ISL1: variants seen among roughly 807,000 people sequenced by gnomAD.
ISL1 encodes the protein ISL LIM homeobox 1.
ISL1 carries 4 observed loss-of-function variants against 35.3 expected under a neutral mutation model. The observed-to-expected ratio is 0.11, with a 90% confidence interval of 0.06 to 0.26. ISL1 has a LOEUF of 0.26. Among genes scored for constraint, ISL1 ranks in the 10% least tolerant of loss-of-function variants. The pLI, the probability that ISL1 is intolerant of heterozygous loss-of-function variation, is 1.00. For synonymous variants in ISL1, 186 were observed against 172.3 expected (o/e 1.08, Z -0.62); for missense variants, 340 against 472.8 (o/e 0.72, Z 2.60).
chr5:51,387,597 C>G lies in ISL1; in HGVS notation c.326C>G (p.Ala109Gly). 1 of 1,614,230 alleles carries G rather than the reference C, an allele frequency of 6.2e-7. No individual in the cohort carries two copies. The highest frequency in any genetic ancestry group is 8.5e-7 in the Non-Finnish European group (1 of 1,180,046). ...CACATCGAGTGTTTCCGCTGTGTGG[C>G]CTGCAGCCGCCAGCTCATCCCTGGG... ...VYHIECFRCV[A>G]CSRQLIPGDE... The change falls in exon 3 of 6, where the codon GCC becomes GGC. Residue 109 changes from alanine (A) to glycine (G), a missense_variant. Ala to Gly is a moderately conservative substitution (Grantham distance 60, BLOSUM62 0). Around this residue, in one of 7 missense-constraint regions of ISL1, gnomAD observed 70 missense variants for 130.3 expected, o/e 0.54. Transcript: ENST00000230658. This position sits in a 1 kb window ranked among gnomAD's most constrained non-coding sequence, Gnocchi z 4.3.
Position 51,387,213 on chromosome 5 carries a change from A to T in ISL1, c.219-277A>T, listed in dbSNP as rs1747365514. Among the ~76,000 whole-genome samples the T allele has an allele frequency of 6.6e-6, 1 of 152,122 alleles. No homozygotes were observed. The highest frequency in any genetic ancestry group is 1.9e-4 in the East Asian group (1 of 5,174). ...TAGGTGTTTTGAGCTAAGAGTTACC[A>T]ACTAAGACAGAGGTTCATCGGAAAG... On this transcript the variant is annotated intron_variant, in intron 2 of 5. Coordinates refer to ENST00000230658, the MANE Select transcript of ISL1 (RefSeq NM_002202.3). The surrounding 1 kb of genome is among the most constrained non-coding windows in gnomAD (Gnocchi z 4.3).
At chr5:51,392,246 G>T (rs1469826124) in intron 5 of ISL1, among the ~76,000 whole-genome samples, 1 of 152,132 alleles carries the variant, frequency 6.6e-6, no homozygotes, top group Non-Finnish European at 1.5e-5. Context: ...GGCTTAAGGG[G>T]TCAAGATAAA....
chr5:51,387,371 T>G lies in ISL1; in HGVS notation c.219-119T>G. On this transcript the variant is annotated intron_variant, in intron 2 of 5. Transcript: ENST00000230658. This position sits in a 1 kb window ranked among gnomAD's most constrained non-coding sequence, Gnocchi z 4.3. ...TCCAACTTCTGTTTGGAAATGCTGTTTACTTGGGGCGTCTTGCCCGGGATC... is the reference window on the plus strand; with the variant it reads ...TCCAACTTCTGTTTGGAAATGCTGTGTACTTGGGGCGTCTTGCCCGGGATC... 6.6e-6 allele frequency: 7 copies of G among 1,065,468 alleles called. No individual in the cohort carries two copies. The highest frequency in any genetic ancestry group is 9.9e-6 in the Non-Finnish European group (7 of 708,498). 66.0% of individuals were successfully genotyped at this position (1,065,468 alleles called of 1,614,324 possible).
At chr5:51,388,900 C>T (rs544840371) in intron 3 of ISL1, among the ~76,000 whole-genome samples, 2 of 152,238 alleles carry the variant, frequency 1.3e-5, no homozygotes, top group South Asian at 4.1e-4. Context: ...TATCTAGAGC[C>T]TAGGCAGCTC....
chr5:51,387,692 C>G lies in ISL1; in HGVS notation c.421C>G (p.Leu141Val), dbSNP rs779195709. ...CCACGATGTGGTGGAGAGGGCCAGT[C>G]TAGGCGCTGGCGACCCGCTCAGTCC... is the stretch of plus-strand genomic sequence containing the variant. ...ADHDVVERAS[L>V]GAGDPLSPLH... The change falls in exon 3 of 6, where the codon CTA (leucine) becomes GTA (valine). Residue 141 changes from leucine (L) to valine (V), a missense_variant. Transcript: ENST00000230658. This position sits in a 1 kb window ranked among gnomAD's most constrained non-coding sequence, Gnocchi z 4.3. 35 of 1,614,230 alleles carry G rather than the reference C, an allele frequency of 2.2e-5. No individual in the cohort carries two copies. The East Asian group carries it at 7.6e-4, about 35-fold the overall frequency.
At position 51,383,815 on chromosome 5, in the gene ISL1, A is replaced by G. The variant is rs1417154815; in HGVS notation, c.28+116A>G. ...GGAGTTGGAGTCATTGCCTGGAGAA[A>G]GAGAAAAGGTGGCTTTTTCTTGTTG... On this transcript the variant is annotated intron_variant, in intron 1 of 5. Coordinates refer to ENST00000230658, the MANE Select transcript of ISL1 (RefSeq NM_002202.3). 1.1e-5 allele frequency: 10 copies of G among 924,890 alleles called. No individual in the cohort carries two copies. In the East Asian group the frequency reaches 1.4e-4, roughly 13 times the overall value. The allele number at this position is 924,890 out of a possible 1,614,324, so 57.3% of individuals were successfully genotyped here. A position where few individuals can be genotyped will look rare whatever the true frequency, so the allele number is the denominator to read the frequency against.
Position 51,387,718 on chromosome 5 carries a change from C to A in ISL1, c.447C>A (p.Pro149=). ...ASLGAGDPLS[P]LHPARPLQMA... is the part of the protein sequence containing the mutation. ...TAGGCGCTGGCGACCCGCTCAGTCC[C>A]CTGCATCCAGCGCGGCCACTGCAAA... The change falls in exon 3 of 6, where the codon CCC becomes CCA. Residue 149 remains proline (P), a synonymous_variant. Transcript: ENST00000230658. The surrounding 1 kb of genome is among the most constrained non-coding windows in gnomAD (Gnocchi z 4.3). The A allele has an allele frequency of 5.6e-6, 9 of 1,614,194 alleles. No individual in the cohort carries two copies. Among genetic ancestry groups the A allele is most frequent in the Non-Finnish European group, 7.6e-6 (9 of 1,180,044 alleles).
intron 1 of ISL1, 89 bp from the exon 2 acceptor site, chr5:51,384,452 G>C: frequency 8.8e-7 from 1 of 1,137,200 alleles, no homozygotes; most frequent in Non-Finnish European, 1.3e-6. Flanking sequence ...ACCTCCCAGA[G>C]TACGCCCTAT....
intron 5 of ISL1, among the ~76,000 whole-genome samples, chr5:51,392,341 A>T (rs1420762606): frequency 6.6e-6 from 1 of 152,146 alleles, no homozygotes; most frequent in Admixed American, 6.5e-5. Flanking sequence ...AGCCTTATAG[A>T]ATCTTGTTTT....
chr5:51,385,012 C>T (rs1444932634), intron 2 of ISL1, among the ~76,000 whole-genome samples: 2 of 152,176 alleles, frequency 1.3e-5, no homozygotes, highest in African/African-American at 4.8e-5. Flanking sequence ...TTATTTTCCT[C>T]TTTCACCCTC....
In ISL1 at chr5:51,387,547, G is replaced by A. The variant is rs376610562; in HGVS notation, c.276G>A (p.Val92=). The part of the protein sequence containing the change: ...CSIGFSKNDF[V]MRARSKVYHI... ...TCGGCTTCAGCAAGAACGACTTCGTGATGCGTGCCCGCTCCAAGGTGTATC... is the reference window on the plus strand; with the variant it reads ...TCGGCTTCAGCAAGAACGACTTCGTAATGCGTGCCCGCTCCAAGGTGTATC... Residue 92 remains valine (V), a synonymous_variant, in exon 3 of 6, where the codon GTG becomes GTA. Transcript: ENST00000230658. The surrounding 1 kb of genome is among the most constrained non-coding windows in gnomAD (Gnocchi z 4.3). The A allele has an allele frequency of 5.5e-5, 88 of 1,614,228 alleles. No homozygotes were observed. In the African/African-American group the frequency reaches 9.9e-4, roughly 18 times the overall value.
Position 51,387,480 on chromosome 5 carries a change from C to G in ISL1, c.219-10C>G. 6.2e-7 allele frequency: 1 copy of G among 1,613,874 alleles called. No homozygotes were observed. Among genetic ancestry groups the G allele is most frequent in the Non-Finnish European group, 8.5e-7 (1 of 1,179,912 alleles). On this transcript the variant is annotated splice_polypyrimidine_tract_variant and intron_variant, in intron 2 of 5. Coordinates refer to ENST00000230658, the MANE Select transcript of ISL1 (RefSeq NM_002202.3). This position sits in a 1 kb window ranked among gnomAD's most constrained non-coding sequence, Gnocchi z 4.3. ...TCTGGGCCGCCTCCGCTCCCCCCTC[C>G]CCCGCACAGGTTGTACGGGATCAAA...
At chr5:51,390,051 C>G in intron 4 of ISL1, 119 bp downstream of exon 4, 5 of 1,209,430 alleles carry the variant, frequency 4.1e-6, no homozygotes, top group Non-Finnish European at 5.8e-6. Flanking sequence ...AGGAGTTTGG[C>G]CGGGGCTGCC....
Position 51,387,732 on chromosome 5 carries a change from G to T in ISL1, c.461G>T (p.Arg154Leu). ...GDPLSPLHPA[R>L]PLQMAAEPIS... is the part of the protein sequence containing the mutation. The stretch of plus-strand genomic sequence containing the variant: ...CCGCTCAGTCCCCTGCATCCAGCGC[G>T]GCCACTGCAAATGGCAGGTACTCCT... The change falls in exon 3 of 6, where the codon CGG (arginine) becomes CTG (leucine). Residue 154 changes from arginine (R) to leucine (L), a missense_variant. Physicochemically the swap from Arg to Leu is moderately radical, Grantham distance 102. Around this residue, in one of 7 missense-constraint regions of ISL1, gnomAD observed 94 missense variants for 102.1 expected, o/e 0.92. Coordinates refer to ENST00000230658, the MANE Select transcript of ISL1 (RefSeq NM_002202.3). The surrounding 1 kb of genome is among the most constrained non-coding windows in gnomAD (Gnocchi z 4.3). 1 of 1,614,176 alleles carries T rather than the reference G, an allele frequency of 6.2e-7. No individual in the cohort carries two copies. Among genetic ancestry groups the T allele is most frequent in the Non-Finnish European group, 8.5e-7 (1 of 1,180,040 alleles).
In ISL1 at chr5:51,393,992, A is replaced by T. The variant is rs1209908246; in HGVS notation, c.*382A>T. On this transcript the variant is annotated 3_prime_UTR_variant, in exon 6 of 6. Transcript: ENST00000230658. ...ATAGAAAATTTTCTAGTCCATCCTA[A>T]TCTGAATGGTGCTGTTTCTATATTG... 2 of 298,754 alleles carry T rather than the reference A, an allele frequency of 6.7e-6. No individual in the cohort carries two copies. The highest frequency in any genetic ancestry group is 4.4e-5 in the African/African-American group (2 of 45,026). The allele number at this position is 298,754 out of a possible 1,614,324, so 18.5% of individuals were successfully genotyped here. A position where few individuals can be genotyped will look rare whatever the true frequency, so the allele number is the denominator to read the frequency against.
intron 1 of ISL1, among the ~76,000 whole-genome samples, chr5:51,384,074 A>T (rs946721025): frequency 6.6e-6 from 1 of 152,194 alleles, no homozygotes. Flanking sequence ...AACGAGTGAC[A>T]ACTGTATTTA....
intron 3 of ISL1, among the ~76,000 whole-genome samples, chr5:51,388,362 G>A (rs1388327724): frequency 2.0e-5 from 3 of 152,202 alleles, no homozygotes; most frequent in Non-Finnish European, 4.4e-5. Flanking sequence ...CTTATCTGCA[G>A]TAATTGCCTT....
chr5:51,391,587 G>C (rs1013653839), intron 5 of ISL1, 146 bp downstream of exon 5: 2 of 869,164 alleles, frequency 2.3e-6, no homozygotes, highest in African/African-American at 1.7e-5. Context: ...ATGAAGAGAA[G>C]GGAGACAAAT....
At chr5:51,388,960 T>A (rs148552363) in intron 3 of ISL1, among the ~76,000 whole-genome samples, 116 of 152,250 alleles carry the variant, frequency 7.6e-4, no homozygotes, top group African/African-American at 2.6e-3. Context: ...CTCAGGAACA[T>A]CCATGTATTA....
Sources: allele counts gnomAD v4.1 joint callset (sites outside exome capture counted in the v4.1 genomes callset), GRCh38; gene constraint gnomAD v4.1.1; regional missense constraint gnomAD v4.1.1; non-coding constraint Gnocchi (gnomAD v3.1); transcripts MANE v1.5; gene names NCBI Gene and HGNC (gene_info 2026-07-23, HGNC 2026-07-21).